Variants in STON2 observed in about 807,000 individuals in gnomAD.
The protein encoded by STON2 is stonin-2.
Under a neutral mutation model 65.7 loss-of-function variants are expected in STON2, and 29 were observed. The ratio of observed to expected loss-of-function variants is 0.44; its 90% CI spans 0.33 to 0.60. The LOEUF is 0.60. Ranked by LOEUF, STON2 falls within the 20% of genes least tolerant of loss-of-function variation. STON2 has a pLI of 0.03. For missense variants in STON2, 1,054 were observed against 1,118.1 expected, an observed-to-expected ratio of 0.94 and a Z score of 0.82; for synonymous variants, 404 against 414.2, an observed-to-expected ratio of 0.98 and a Z score of 0.30.
chr14:81,428,040 G>A (rs904360133), intron 1 of STON2, among the ~76,000 whole-genome samples: 2 of 152,180 alleles, frequency 1.3e-5, no homozygotes, highest in Non-Finnish European at 2.9e-5. Flanking sequence ...CTCCTTAGAT[G>A]AGATGCTACT....
chr14:81,352,614 T>C (rs1898067150), intron 4 of STON2, among the ~76,000 whole-genome samples: 1 of 152,196 alleles, frequency 6.6e-6, no homozygotes. Context: ...TTGACAAGCC[T>C]GGATGTCATT....
intron 2 of STON2, among the ~76,000 whole-genome samples, chr14:81,397,485 C>G (rs907819763): frequency 6.6e-6 from 1 of 152,132 alleles, no homozygotes; most frequent in African/African-American, 2.4e-5. Flanking sequence ...ATGCTTACAG[C>G]ACATCCCAAT....
chr14:81,369,325 A>G (rs1898881933), intron 4 of STON2, among the ~76,000 whole-genome samples: 1 of 152,200 alleles, frequency 6.6e-6, no homozygotes, highest in Admixed American at 6.6e-5. Flanking sequence ...GATGTTAAAA[A>G]TAATTATAAG....
intron 3 of STON2, among the ~76,000 whole-genome samples, chr14:81,382,963 T>C (rs960744010): frequency 1.3e-5 from 2 of 152,230 alleles, no homozygotes; most frequent in Non-Finnish European, 2.9e-5. Context: ...AGTTATTTTA[T>C]TCAGGTTCTT....
At chr14:81,371,277 C>T (rs778602596) in intron 3 of STON2, 92 bp from the exon 4 acceptor site, 3 of 1,192,228 alleles carry the variant, frequency 2.5e-6, no homozygotes, top group African/African-American at 1.5e-5. Flanking sequence ...TTGCTCACAT[C>T]ATATGAAATC....
rs867131689 is a variant in STON2 at position 81,378,842 on chromosome 14, C to T, written c.374-7657G>A. ...TATTAAAAGAGAAAAATCTTACCAT[C>T]ATAGTATAGAAAAAGCACTAAAAAT... On this transcript the variant is annotated intron_variant, in intron 3 of 7. Coordinates refer to ENST00000614646, the MANE Select transcript of STON2 (RefSeq NM_001394390.1). 2.6e-5 allele frequency among the ~76,000 whole-genome samples: 4 copies of T among 152,230 alleles called. No individual in the cohort carries two copies. The South Asian group carries it at 8.3e-4, about 32-fold the overall frequency.
chr14:81,271,005 G>A (rs1005016714), intron 6 of STON2, 133 bp from the exon 7 acceptor site: 8 of 1,196,738 alleles, frequency 6.7e-6, no homozygotes, highest in African/African-American at 6.2e-5. Flanking sequence ...GTCCAGTGTT[G>A]AGCACGAGGA....
At chr14:81,366,582 G>A (rs1898739842) in intron 4 of STON2, among the ~76,000 whole-genome samples, 1 of 151,738 alleles carries the variant, frequency 6.6e-6, no homozygotes, top group Non-Finnish European at 1.5e-5. Context: ...GGGGTGGGGG[G>A]GCAATGACAA....
intron 1 of STON2, among the ~76,000 whole-genome samples, chr14:81,427,970 T>A (rs1374299262): frequency 6.6e-6 from 1 of 152,204 alleles, no homozygotes; most frequent in Non-Finnish European, 1.5e-5. Flanking sequence ...ATTACAACCT[T>A]TGACAAAGTA....
chr14:81,412,909 AT>A, intron 2 of STON2: 2 of 630,114 alleles, frequency 3.2e-6, no homozygotes, highest in Non-Finnish European at 5.4e-6. Context: ...CAGCCGGGCG[AT>A]GCTTAGCACC....
chr14:81,435,661 ACACGGACGCGCACACACACGCACGAATG>A (rs1902388811), intron 1 of STON2, among the ~76,000 whole-genome samples: 1 of 152,104 alleles, frequency 6.6e-6, no homozygotes, highest in Non-Finnish European at 1.5e-5. Flanking sequence ...GCACCAGAAC[ACACGGACGCGCACACACACGCACGAATG>A]CACACACACG....
At chr14:81,330,285 G>A (rs1052969863) in intron 4 of STON2, among the ~76,000 whole-genome samples, 12 of 152,154 alleles carry the variant, frequency 7.9e-5, no homozygotes, top group African/African-American at 2.7e-4. Flanking sequence ...TTACAAAGCC[G>A]TATCTGGATA....
intron 5 of STON2, among the ~76,000 whole-genome samples, chr14:81,290,759 C>T (rs558309178): frequency 1.1e-4 from 16 of 152,242 alleles, no homozygotes; most frequent in African/African-American, 3.6e-4. Context: ...TGCAGTAGGC[C>T]TGTCTTTTCA....
In STON2 at chr14:81,263,891, A is replaced by G. The variant is rs1242091575; in HGVS notation, c.*4523T>C. 1.0e-6 allele frequency: 1 copy of G among 985,362 alleles called. No individual in the cohort carries two copies. Among genetic ancestry groups the G allele is most frequent in the African/African-American group, 1.7e-5 (1 of 57,252 alleles). 61.0% of individuals were successfully genotyped at this position (985,362 alleles called of 1,614,324 possible). A position where few individuals can be genotyped will look rare whatever the true frequency, so the allele number is the denominator to read the frequency against. ...CACCACTAAACTTATGGTGAAATAT[A>G]TATCACCTCTGAAATCATGACTTTA... On this transcript the variant is annotated 3_prime_UTR_variant, in exon 8 of 8. Transcript: ENST00000614646.
intron 3 of STON2, among the ~76,000 whole-genome samples, chr14:81,383,038 TCCCAGGGGC>T (rs1899608386): frequency 6.6e-6 from 1 of 152,184 alleles, no homozygotes; most frequent in Non-Finnish European, 1.5e-5. Context: ...CTGACTCTGC[TCCCAGGGGC>T]CAGACCTTTG....
chr14:81,373,155 TG>T (rs1212223795), intron 3 of STON2, among the ~76,000 whole-genome samples: 3 of 152,192 alleles, frequency 2.0e-5, no homozygotes, highest in Non-Finnish European at 4.4e-5. Flanking sequence ...TTGTCTATTA[TG>T]TTCACTTCTA....
intron 5 of STON2, among the ~76,000 whole-genome samples, chr14:81,318,901 G>A (rs1298805427): frequency 2.0e-5 from 3 of 152,198 alleles, no homozygotes; most frequent in Non-Finnish European, 4.4e-5. Context: ...CTGCCCTGGC[G>A]CTGTGCTTGG....
At chr14:81,433,525 C>T (rs1466209553) in intron 1 of STON2, among the ~76,000 whole-genome samples, 3 of 152,218 alleles carry the variant, frequency 2.0e-5, no homozygotes, top group Non-Finnish European at 4.4e-5. Flanking sequence ...AGCACTTTTC[C>T]TCCTGCTCAG....
rs77217267 is a variant in STON2 at position 81,371,058 on chromosome 14, C to T, written c.501G>A (p.Ser167=). Residue 167 remains serine, a synonymous_variant, in exon 4 of 8, where the codon TCG becomes TCA. Transcript: ENST00000614646. ...CATTGATGAGCTGCAGATCTGTATA[C>T]GAACATCCAAAGCTAGGACTGCTGG... is the stretch of plus-strand genomic sequence containing the variant. ...EDTSSPSFGC[S]YTDLQLINAE... is the part of the protein sequence containing the mutation. 5,952 of 1,613,920 alleles carry T rather than the reference C, an allele frequency of 3.7e-3. 86 individuals carry two copies. In the African/African-American group the frequency reaches 0.039, roughly 11 times the overall value.
Sources: allele counts gnomAD v4.1 joint callset (sites outside exome capture counted in the v4.1 genomes callset), GRCh38; gene constraint gnomAD v4.1.1; transcripts MANE v1.5; gene names NCBI Gene and HGNC (gene_info 2026-07-23, HGNC 2026-07-21).